FOCAD: variants seen among roughly 807,000 people sequenced by gnomAD.
FOCAD encodes KIAA1797.
FOCAD carries 198 observed loss-of-function variants against 225.6 expected under a neutral mutation model. The ratio of observed to expected loss-of-function variants is 0.88; its 90% CI spans 0.78 to 0.99. The LOEUF is 0.99. FOCAD is among the 50% of genes least tolerant of loss of function. The probability of loss-of-function intolerance (pLI) is 0.00; values close to 1 mark genes in which losing one functional copy is unlikely to be tolerated. For missense variants in FOCAD, 2,713 were observed against 2,123.6 expected (o/e 1.28, Z -5.46); for synonymous variants, 897 against 755.0 (o/e 1.19, Z -3.08).
intron 5 of FOCAD, among the ~76,000 whole-genome samples, chr9:20,744,078 TAA>T (rs1827844522): frequency 6.6e-6 from 1 of 152,104 alleles, no homozygotes; most frequent in Non-Finnish European, 1.5e-5. Flanking sequence ...AGAGAAAATG[TAA>T]GAGATCATGG....
chr9:20,661,519 G>A (rs959375698), intron 2 of FOCAD, among the ~76,000 whole-genome samples: 1 of 152,182 alleles, frequency 6.6e-6, no homozygotes, highest in African/African-American at 2.4e-5. Context: ...GGGCCAAGGA[G>A]CACAGACTAG....
At chr9:20,844,412 A>G (rs1587377826) in intron 15 of FOCAD, among the ~76,000 whole-genome samples, 1 of 124,154 alleles carries the variant, frequency 8.1e-6, no homozygotes, top group African/African-American at 3.1e-5. Context: ...TCAGGCTGGA[A>G]TGCAGTGGTG....
At chr9:20,930,015 T>C (rs1835317430) in intron 27 of FOCAD, among the ~76,000 whole-genome samples, 1 of 152,218 alleles carries the variant, frequency 6.6e-6, no homozygotes. Flanking sequence ...ATATCTCTAG[T>C]GCCTAAGGGG....
chr9:20,867,026 C>G lies in FOCAD; in HGVS notation c.2190+14C>G. The G allele has an allele frequency of 6.6e-7, 1 of 1,507,466 alleles. No homozygotes were observed. The highest frequency in any genetic ancestry group is 1.2e-5 in the South Asian group (1 of 85,140). The allele number at this position is 1,507,466 out of a possible 1,614,324, so 93.4% of individuals were successfully genotyped here. A position where few individuals can be genotyped will look rare whatever the true frequency, so the allele number is the denominator to read the frequency against. On this transcript the variant is annotated intron_variant, in intron 18 of 43. Coordinates refer to ENST00000338382, the MANE Select transcript of FOCAD (RefSeq NM_001375567.1). Reference sequence around the variant, plus strand: ...CTGCCTGAAAAGGTAGGCATATCTGCTTTCTCACTGGTATTTCTTAATTTG... The same window carrying G: ...CTGCCTGAAAAGGTAGGCATATCTGGTTTCTCACTGGTATTTCTTAATTTG...
chr9:20,876,627 G>GTAATT, intron 19 of FOCAD, among the ~76,000 whole-genome samples: 1 of 152,158 alleles, frequency 6.6e-6, no homozygotes, highest in East Asian at 1.9e-4. Flanking sequence ...TTTGAGTGAG[G>GTAATT]TGGGTGATCT....
chr9:20,990,779 G>C (rs935006433), intron 42 of FOCAD, among the ~76,000 whole-genome samples: 1 of 152,194 alleles, frequency 6.6e-6, no homozygotes, highest in Admixed American at 6.5e-5. Flanking sequence ...GCAAGGGAAG[G>C]AGTTGATCAA....
At chr9:20,749,364 A>T (rs1408486685) in intron 5 of FOCAD, among the ~76,000 whole-genome samples, 1 of 152,186 alleles carries the variant, frequency 6.6e-6, no homozygotes, top group Non-Finnish European at 1.5e-5. Context: ...TGTGGGAAGG[A>T]TAAAGATGCA....
At chr9:20,742,088 A>C (rs932524788) in intron 5 of FOCAD, among the ~76,000 whole-genome samples, 1 of 152,180 alleles carries the variant, frequency 6.6e-6, no homozygotes, top group African/African-American at 2.4e-5. Flanking sequence ...TCTCCAAAGA[A>C]ATTCCTTACC....
intron 2 of FOCAD, among the ~76,000 whole-genome samples, chr9:20,679,205 G>A (rs1178298031): frequency 6.6e-6 from 1 of 151,492 alleles, no homozygotes; most frequent in Non-Finnish European, 1.5e-5. Flanking sequence ...AGGGGAGGGA[G>A]ATCATGTATG....
chr9:20,808,127 C>A (rs573329864), intron 11 of FOCAD, among the ~76,000 whole-genome samples: 1 of 152,078 alleles, frequency 6.6e-6, no homozygotes, highest in Non-Finnish European at 1.5e-5. Flanking sequence ...TGCAGTGGAA[C>A]AGAAACCTGA....
chr9:20,929,288 T>A lies in FOCAD; in HGVS notation c.3079-70T>A. The A allele has an allele frequency of 1.7e-6, 2 of 1,208,050 alleles. 1 individual carries two copies. Among genetic ancestry groups the A allele is most frequent in the South Asian group, 2.6e-5 (2 of 77,312 alleles). 74.8% of individuals were successfully genotyped at this position (1,208,050 alleles called of 1,614,324 possible). On this transcript the variant is annotated intron_variant, in intron 26 of 43. Transcript: ENST00000338382. ...AAGAGAAGCTTGTGTGGTTGTATAG[T>A]GCTTTTATGATAGGTATGCTTCCTT...
rs796275636 is a variant in FOCAD, at chr9:20,770,151, G to A, written c.819G>A (p.Leu273=). ...IQLTQMSLQL[L]CVSEVSLKIT... ...TTACCCAGATGAGTCTTCAGCTGCTGTGTGTCAGTGAAGTCAGCTTAAAGA... is the reference window on the plus strand; with the variant it reads ...TTACCCAGATGAGTCTTCAGCTGCTATGTGTCAGTGAAGTCAGCTTAAAGA... The change falls in exon 8 of 44, where the codon CTG becomes CTA. Residue 273 remains leucine, a synonymous_variant. Transcript: ENST00000338382. 2 of 1,613,944 alleles carry A rather than the reference G, an allele frequency of 1.2e-6. No individual in the cohort carries two copies. The highest frequency in any genetic ancestry group is 1.7e-6 in the Non-Finnish European group (2 of 1,179,992).
chr9:20,769,415 C>G (rs992452500), intron 7 of FOCAD, among the ~76,000 whole-genome samples: 2 of 152,176 alleles, frequency 1.3e-5, no homozygotes, highest in Non-Finnish European at 2.9e-5. Context: ...AATACCAACT[C>G]CAGAATTTTG....
chr9:20,736,575 A>C lies in FOCAD; in HGVS notation c.288-3661A>C, dbSNP rs371775189. 2.1e-4 allele frequency among the ~76,000 whole-genome samples: 32 copies of C among 152,306 alleles called. No individual in the cohort carries two copies. In the East Asian group the frequency reaches 3.1e-3, roughly 15 times the overall value. ...TTAGGATGAGTTTGTAGTTAGTTTT[A>C]GGCAAATTCCAGGCCTCAGCGTTCA... On this transcript the variant is annotated intron_variant, in intron 4 of 43. Transcript: ENST00000338382.
intron 9 of FOCAD, among the ~76,000 whole-genome samples, chr9:20,781,077 T>C (rs766653922): frequency 2.6e-4 from 40 of 152,224 alleles, no homozygotes; most frequent in Non-Finnish European, 5.0e-4. Flanking sequence ...GAAAAAAATA[T>C]TGTGAAAAAA....
At position 20,885,112 on chromosome 9, in the gene FOCAD, G is replaced by A; in HGVS notation, c.2507G>A (p.Gly836Asp). The A allele has an allele frequency of 6.9e-7, 1 of 1,443,022 alleles. No homozygotes were observed. The highest frequency in any genetic ancestry group is 9.2e-7 in the Non-Finnish European group (1 of 1,091,716). 89.4% of individuals were successfully genotyped at this position (1,443,022 alleles called of 1,614,324 possible). ...QPGLKPGLAG[G>D]MLFCYDVSMY... is the part of the protein sequence containing the mutation. ...GTCTATATAATTTTTTTTAAAGGTGGTATGTTATTTTGCTATGATGTTTCC... is the reference window on the plus strand; with the variant it reads ...GTCTATATAATTTTTTTTAAAGGTGATATGTTATTTTGCTATGATGTTTCC... Residue 836 changes from glycine to aspartate, a missense_variant, in exon 21 of 44, where the codon GGT becomes GAT. Transcript: ENST00000338382.
intron 40 of FOCAD, among the ~76,000 whole-genome samples, chr9:20,986,675 G>A (rs546928532): frequency 1.5e-4 from 23 of 152,178 alleles, no homozygotes; most frequent in Admixed American, 8.5e-4. Context: ...GGATTCTTTC[G>A]AGGGGTTTTG....
At chr9:20,969,097 G>C (rs1227805206) in intron 35 of FOCAD, among the ~76,000 whole-genome samples, 1 of 151,972 alleles carries the variant, frequency 6.6e-6, no homozygotes, top group African/African-American at 2.4e-5. Context: ...TTGGAAATCT[G>C]TTCTTGATTT....
chr9:20,944,073 G>A (rs1836931456), intron 28 of FOCAD, among the ~76,000 whole-genome samples: 1 of 152,200 alleles, frequency 6.6e-6, no homozygotes, highest in African/African-American at 2.4e-5. Flanking sequence ...ATGTCATTGT[G>A]CACAAACAGT....
Sources: gnomAD v4.1 joint callset for allele counts (sites outside exome capture counted in the v4.1 genomes callset) on GRCh38, gnomAD v4.1.1 for gene constraint, MANE v1.5 for transcripts, NCBI Gene and HGNC (gene_info 2026-07-23, HGNC 2026-07-21) for gene names.